The following CAPZB variants were observed in gnomAD, a reference collection of about 807,000 sequenced individuals.
The protein encoded by CAPZB is F-actin-capping protein subunit beta.
CAPZB carries 2 observed loss-of-function variants against 38.1 expected under a neutral mutation model. The observed-to-expected ratio is 0.05, with a 90% CI of 0.02 to 0.17. The LOEUF (loss-of-function observed/expected upper bound fraction) is 0.17. CAPZB is among the 10% of genes least tolerant of loss of function. CAPZB has a pLI of 1.00. For synonymous variants in CAPZB, 107 were observed against 127.4 expected, an observed-to-expected ratio of 0.84 and a Z score of 1.08; for missense variants, 161 against 334.2, an observed-to-expected ratio of 0.48 and a Z score of 4.04.
At chr1:19,457,058 G>A (rs757688999) in intron 1 of CAPZB, among the ~76,000 whole-genome samples, 4 of 152,190 alleles carry the variant, frequency 2.6e-5, no homozygotes, top group Non-Finnish European at 4.4e-5. Flanking sequence ...AGAAAGGCAG[G>A]AAGTTCCAGA....
intron 8 of CAPZB, 90 bp downstream of exon 8, chr1:19,344,268 G>A (rs767179372): frequency 2.2e-5 from 22 of 1,008,922 alleles, no homozygotes; most frequent in East Asian, 1.7e-4. Context: ...TGAGGACACC[G>A]AGGCCCAAGA....
At chr1:19,423,514 T>C (rs1292576238) in intron 1 of CAPZB, among the ~76,000 whole-genome samples, 1 of 92,420 alleles carries the variant, frequency 1.1e-5, no homozygotes, top group African/African-American at 4.5e-5. Flanking sequence ...ATAGTGAACA[T>C]TCTTTTTTTT....
chr1:19,420,599 TG>T (rs898072326), intron 1 of CAPZB, among the ~76,000 whole-genome samples: 1 of 120,304 alleles, frequency 8.3e-6, no homozygotes, highest in Non-Finnish European at 1.7e-5. Context: ...TAGTTTTTTT[TG>T]GGGGGGAGGG....
chr1:19,463,181 A>G (rs1243212150), intron 1 of CAPZB, among the ~76,000 whole-genome samples: 1 of 152,174 alleles, frequency 6.6e-6, no homozygotes. Context: ...AAGTTCAAAT[A>G]GAGTATTATT....
chr1:19,461,275 G>C (rs1477453656), intron 1 of CAPZB, among the ~76,000 whole-genome samples: 1 of 152,170 alleles, frequency 6.6e-6, no homozygotes, highest in Non-Finnish European at 1.5e-5. Flanking sequence ...AAACTGGCAA[G>C]CCTCAGCATA....
intron 2 of CAPZB, among the ~76,000 whole-genome samples, chr1:19,413,779 C>T (rs1035255951): frequency 2.0e-5 from 3 of 152,158 alleles, no homozygotes; most frequent in African/African-American, 7.2e-5. Context: ...AAAGCAGATC[C>T]TATCTGGCCT....
At chr1:19,443,791 C>A (rs900533816) in intron 1 of CAPZB, among the ~76,000 whole-genome samples, 4 of 152,212 alleles carry the variant, frequency 2.6e-5, no homozygotes, top group African/African-American at 9.6e-5. Flanking sequence ...CAGAGTGAGG[C>A]ATGTCCCAGA....
rs1317353234 is a variant in CAPZB, at chr1:19,450,143, CCAAAAAAAAAAAA to C, written c.4-30406_4-30394del. 6.1e-3 allele frequency among the ~76,000 whole-genome samples: 240 copies of C among 39,050 alleles called. 3 individuals carry two copies. The highest frequency in any genetic ancestry group is 0.021 in the African/African-American group (228 of 10,884). The allele number at this position is 39,050 out of a possible 152,430, so 25.6% of individuals were successfully genotyped here. ...TGGGCAACAGAGCAAGACCCTGTCT[CCAAAAAAAAAAAA>C]AAAAAAAAAAAAAGAAAAGAAAAGA... is the stretch of plus-strand genomic sequence containing the variant. On this transcript the variant is annotated intron_variant, in intron 1 of 8. Transcript: ENST00000264202.
chr1:19,366,119 C>G (rs557967383), intron 4 of CAPZB, among the ~76,000 whole-genome samples: 27 of 151,660 alleles, frequency 1.8e-4, no homozygotes, highest in Admixed American at 8.5e-4. Context: ...CTTCTGGGAT[C>G]TCACCAAGGA....
At chr1:19,394,408 C>T (rs1402378884) in intron 2 of CAPZB, among the ~76,000 whole-genome samples, 2 of 152,200 alleles carry the variant, frequency 1.3e-5, no homozygotes, top group African/African-American at 4.8e-5. Context: ...AAGCAATTTC[C>T]CAATTTTGGC....
At chr1:19,371,271 C>T (rs756115749) in intron 4 of CAPZB, among the ~76,000 whole-genome samples, 26 of 152,152 alleles carry the variant, frequency 1.7e-4, no homozygotes, top group African/African-American at 4.3e-4. Context: ...CCATCAGGTC[C>T]GCCACCCAAA....
At position 19,480,050 on chromosome 1, in the gene CAPZB, G is replaced by A. The variant is rs574675945; in HGVS notation, c.3+5386C>T. ...AGGCTGGAGTGGTCTGCAGGGCTGC[G>A]TGGAGGAGGGGGAAATGCAAGCCAG... On this transcript the variant is annotated intron_variant, in intron 1 of 8. Coordinates refer to ENST00000264202, the MANE Select transcript of CAPZB (RefSeq NM_004930.5). 8.5e-5 allele frequency among the ~76,000 whole-genome samples: 13 copies of A among 152,266 alleles called. No homozygotes were observed. In the South Asian group the frequency reaches 1.2e-3, roughly 15 times the overall value.
intron 6 of CAPZB, among the ~76,000 whole-genome samples, chr1:19,349,885 G>A (rs1162658558): frequency 6.6e-6 from 1 of 152,238 alleles, no homozygotes; most frequent in African/African-American, 2.4e-5. Context: ...TCCACACCTG[G>A]TCAGGGTCGG....
chr1:19,388,442 A>C (rs2094215108), intron 2 of CAPZB, among the ~76,000 whole-genome samples: 1 of 152,160 alleles, frequency 6.6e-6, no homozygotes, highest in Non-Finnish European at 1.5e-5. Context: ...GGAGCCTCCC[A>C]AACTCCAATC....
At chr1:19,391,314 G>A (rs545156306) in intron 2 of CAPZB, among the ~76,000 whole-genome samples, 1 of 152,090 alleles carries the variant, frequency 6.6e-6, no homozygotes, top group East Asian at 1.9e-4. Context: ...TCTAACCCAC[G>A]GCGCCCTTGT....
chr1:19,459,750 A>G (rs925339189), intron 1 of CAPZB, among the ~76,000 whole-genome samples: 2 of 152,212 alleles, frequency 1.3e-5, no homozygotes, highest in African/African-American at 4.8e-5. Context: ...TATTAAGTGA[A>G]AAACTCTAGA....
At chr1:19,424,392 T>C (rs1471605734) in intron 1 of CAPZB, 1 of 151,616 alleles carries the variant, frequency 6.6e-6, no homozygotes, top group African/African-American at 2.4e-5. Context: ...ATGCAGGGAG[T>C]GGTGGTGCGT....
intron 6 of CAPZB, among the ~76,000 whole-genome samples, chr1:19,351,791 A>C (rs931501019): frequency 2.0e-5 from 3 of 152,080 alleles, no homozygotes; most frequent in African/African-American, 7.2e-5. Flanking sequence ...ACCACAATCC[A>C]GGGCTCAGAA....
chr1:19,443,879 G>A (rs2100654963), intron 1 of CAPZB, among the ~76,000 whole-genome samples: 1 of 152,300 alleles, frequency 6.6e-6, no homozygotes, highest in Middle Eastern at 3.4e-3. Flanking sequence ...TCTCCCCAGG[G>A]AGTGCACACA....
Sources: allele counts gnomAD v4.1 joint callset (sites outside exome capture counted in the v4.1 genomes callset), GRCh38; gene constraint gnomAD v4.1.1; transcripts MANE v1.5; gene names NCBI Gene and HGNC (gene_info 2026-07-23, HGNC 2026-07-21).